The following TUSC3 variants were observed in gnomAD, a reference collection of about 807,000 sequenced individuals.
The protein encoded by TUSC3 is tumor suppressor candidate 3.
In TUSC3, 45 loss-of-function variants were observed where a neutral mutation model predicts 44.8. The ratio of observed to expected loss-of-function variants is 1.00; its 90% CI spans 0.79 to 1.29. The LOEUF (loss-of-function observed/expected upper bound fraction) is 1.29. Among genes scored for constraint, TUSC3 ranks in the 50% most tolerant of loss-of-function variants. TUSC3 has a pLI of 0.00. For synonymous variants in TUSC3, 212 were observed against 152.9 expected, an observed-to-expected ratio of 1.39 and a Z score of -2.85; for missense variants, 519 against 437.9, an observed-to-expected ratio of 1.19 and a Z score of -1.65.
chr8:15,649,142 C>T lies in TUSC3; in HGVS notation c.309-1555C>T, dbSNP rs142281396. Among the ~76,000 whole-genome samples, 52 of 152,182 alleles carry T rather than the reference C, an allele frequency of 3.4e-4. 1 individual carries two copies. The highest frequency in any genetic ancestry group is 1.1e-3 in the African/African-American group (44 of 41,540). On this transcript the variant is annotated intron_variant, in intron 2 of 10. Transcript: ENST00000503731. ...CACTTCCATTTTCATGTTTTCTGAT[C>T]GTTCTTTTAGAGTCTGTTTGTTTTG... is the stretch of plus-strand genomic sequence containing the variant.
intron 1 of TUSC3, among the ~76,000 whole-genome samples, chr8:15,458,605 A>G (rs1255587875): frequency 1.3e-5 from 2 of 152,168 alleles, no homozygotes; most frequent in Non-Finnish European, 2.9e-5. Flanking sequence ...CCAACGATGA[A>G]TGTGTTATGT....
chr8:15,585,345 G>A (rs1803551902), intron 1 of TUSC3, among the ~76,000 whole-genome samples: 2 of 152,304 alleles, frequency 1.3e-5, no homozygotes, highest in Non-Finnish European at 2.9e-5. Context: ...CCACAATGTA[G>A]CAGTTTCTTA....
At chr8:15,850,598 A>T in the TUSC3 span, among the ~76,000 whole-genome samples, 2 of 152,034 alleles carry the variant, frequency 1.3e-5, no homozygotes, top group African/African-American at 4.8e-5. Flanking sequence ...GTAGGCTATA[A>T]GTTACTGTTG....
At chr8:15,608,767 T>A (rs1804640592) in intron 1 of TUSC3, among the ~76,000 whole-genome samples, 1 of 152,180 alleles carries the variant, frequency 6.6e-6, no homozygotes, top group Non-Finnish European at 1.5e-5. Context: ...TGATTGTAAG[T>A]TTCCTGAGGC....
At chr8:15,721,764 G>A (rs140504926) in intron 6 of TUSC3, among the ~76,000 whole-genome samples, 2 of 152,004 alleles carry the variant, frequency 1.3e-5, no homozygotes, top group African/African-American at 4.8e-5. Context: ...AATTACTTAA[G>A]CAGTTCAGTC....
chr8:15,608,494 G>C (rs920834575), intron 1 of TUSC3, among the ~76,000 whole-genome samples: 1 of 152,018 alleles, frequency 6.6e-6, no homozygotes, highest in Non-Finnish European at 1.5e-5. Context: ...AGTTTCTTCG[G>C]AGATTTTTAC....
At chr8:15,505,218 A>G (rs1463359124) in intron 2 of TUSC3, among the ~76,000 whole-genome samples, 1 of 152,158 alleles carries the variant, frequency 6.6e-6, no homozygotes, top group Non-Finnish European at 1.5e-5. Flanking sequence ...CAACTTCTGG[A>G]TGATCAAATA....
intron 6 of TUSC3, among the ~76,000 whole-genome samples, chr8:15,683,559 C>G (rs539878424): frequency 6.6e-6 from 1 of 152,120 alleles, no homozygotes; most frequent in East Asian, 1.9e-4. Context: ...TTCTGACTTC[C>G]TTGGATTGGA....
intron 3 of TUSC3, among the ~76,000 whole-genome samples, chr8:15,656,486 A>G (rs1220011530): frequency 2.0e-5 from 3 of 152,242 alleles, no homozygotes; most frequent in East Asian, 1.9e-4. Context: ...CTGACTGGGA[A>G]AACAGTATTA....
intron 6 of TUSC3, among the ~76,000 whole-genome samples, chr8:15,714,239 A>C (rs2129201062): frequency 6.6e-6 from 1 of 152,312 alleles, no homozygotes; most frequent in African/African-American, 2.4e-5. Context: ...GCACACTTAT[A>C]AAGGATTTGA....
intron 2 of TUSC3, among the ~76,000 whole-genome samples, chr8:15,631,973 C>G (rs1019260121): frequency 3.3e-5 from 5 of 152,120 alleles, no homozygotes; most frequent in African/African-American, 1.2e-4. Context: ...TCCCAAAGTG[C>G]TGGGATTACA....
chr8:15,706,646 T>C (rs1809626676), intron 6 of TUSC3, among the ~76,000 whole-genome samples: 1 of 152,060 alleles, frequency 6.6e-6, no homozygotes. Context: ...GAAATGTGGA[T>C]TTTAATACAA....
chr8:15,487,051 T>A (rs1014055828), intron 2 of TUSC3, among the ~76,000 whole-genome samples: 1 of 152,212 alleles, frequency 6.6e-6, no homozygotes, highest in Admixed American at 6.5e-5. Context: ...CATATATTAT[T>A]AGCTTCCCTT....
At chr8:15,733,232 C>T (rs1208066037) in intron 7 of TUSC3, among the ~76,000 whole-genome samples, 4 of 152,116 alleles carry the variant, frequency 2.6e-5, no homozygotes, top group Non-Finnish European at 5.9e-5. Context: ...TCTCGACTTA[C>T]TATTTAAAGA....
chr8:15,692,370 C>CTT (rs1563175835), intron 6 of TUSC3, among the ~76,000 whole-genome samples: 2 of 39,230 alleles, frequency 5.1e-5, no homozygotes, highest in Non-Finnish European at 1.0e-4. Flanking sequence ...CCCCCCCCCC[C>CTT]CTTTGTTTTT....
At chr8:15,701,730 G>A (rs1200512944) in intron 6 of TUSC3, among the ~76,000 whole-genome samples, 1 of 152,100 alleles carries the variant, frequency 6.6e-6, no homozygotes, top group African/African-American at 2.4e-5. Context: ...GGTTTAAGGT[G>A]GGCTTTTTAA....
At chr8:15,770,806 T>A (rs1017170512), downstream of TUSC3, among the ~76,000 whole-genome samples, 1 of 151,968 alleles carries the variant, frequency 6.6e-6, no homozygotes, top group African/African-American at 2.4e-5. Flanking sequence ...ATATTAAGTA[T>A]AAATACGAGT....
chr8:15,514,977 C>A (rs1801196592), intron 2 of TUSC3, among the ~76,000 whole-genome samples: 1 of 152,106 alleles, frequency 6.6e-6, no homozygotes. Context: ...GAGAATACTC[C>A]ATAAATGACA....
intron 1 of TUSC3, among the ~76,000 whole-genome samples, chr8:15,550,003 T>C (rs1049972996): frequency 1.3e-5 from 2 of 151,610 alleles, no homozygotes; most frequent in African/African-American, 4.8e-5. Flanking sequence ...AGGGGATCCA[T>C]GTGAGAGGGT....
Sources: gnomAD v4.1 joint callset for allele counts (sites outside exome capture counted in the v4.1 genomes callset) on GRCh38, gnomAD v4.1.1 for gene constraint, MANE v1.5 for transcripts, NCBI Gene and HGNC (gene_info 2026-07-23, HGNC 2026-07-21) for gene names.